Variants in GOLGA6D observed in about 807,000 individuals in gnomAD.
GOLGA6D encodes the protein golgin subfamily A member 6D.
GOLGA6D carries 9 observed loss-of-function variants against 42.1 expected under a neutral mutation model. The observed-to-expected ratio is 0.21, with a 90% CI of 0.13 to 0.37. The LOEUF (loss-of-function observed/expected upper bound fraction) is 0.37. Ranked by LOEUF, GOLGA6D falls within the 10% of genes least tolerant of loss-of-function variation. The pLI is 1.00. For missense variants in GOLGA6D, 87 were observed against 420.8 expected, an observed-to-expected ratio of 0.21 and a Z score of 6.94; for synonymous variants, 39 against 167.3, an observed-to-expected ratio of 0.23 and a Z score of 5.92.
chr15:75,277,966 TAA>T (rs2070831987), upstream of GOLGA6D, among the ~76,000 whole-genome samples: 1 of 117,318 alleles, frequency 8.5e-6, no homozygotes, highest in Non-Finnish European at 1.6e-5. Context: ...TCAGGATTAT[TAA>T]AAGTTAATTT....
chr15:75,277,801 T>TA, the GOLGA6D span, among the ~76,000 whole-genome samples: 1 of 146,880 alleles, frequency 6.8e-6, no homozygotes, highest in Non-Finnish European at 1.5e-5. Flanking sequence ...CACCCTGTCT[T>TA]AAAAAAAAAA....
chr15:75,289,312 G>A (rs1480694156), intron 7 of GOLGA6D, 85 bp from the exon 8 acceptor site: 2 of 1,270,806 alleles, frequency 1.6e-6, no homozygotes, highest in Non-Finnish European at 2.2e-6. Context: ...TACTGACCGA[G>A]TTGTATATTG....
At position 75,294,636 on chromosome 15, in the gene GOLGA6D, C is replaced by G. The variant is rs1186401894; in HGVS notation, c.*161C>G. 1.1e-6 allele frequency: 1 copy of G among 910,274 alleles called. No homozygotes were observed. The highest frequency in any genetic ancestry group is 3.2e-5 in the Admixed American group (1 of 30,954). The allele number at this position is 910,274 out of a possible 1,614,324, so 56.4% of individuals were successfully genotyped here. A position where few individuals can be genotyped will look rare whatever the true frequency, so the allele number is the denominator to read the frequency against. ...GTTCATCTCCTACACAATTCATTTACTCCATTTGAATGCTAGAGCCACTCA... is the reference window on the plus strand; with the variant it reads ...GTTCATCTCCTACACAATTCATTTAGTCCATTTGAATGCTAGAGCCACTCA... On this transcript the variant is annotated 3_prime_UTR_variant, in exon 18 of 18. Transcript: ENST00000434739.
rs573112682 is a variant in GOLGA6D at position 75,289,428 on chromosome 15, G to A, written c.596G>A (p.Arg199Gln). Residue 199 changes from arginine to glutamine, a missense_variant, in exon 8 of 18, where the codon CGG becomes CAG. Arg to Gln is a conservative substitution (Grantham distance 43). Transcript: ENST00000434739. The stretch of plus-strand genomic sequence containing the variant: ...AGCTGCAGAGAAGCGGTCCTCCAGC[G>A]GCGGTTACAGCAGACCATAAAGGAG... Reference protein sequence around the residue: ...SSSCREAVLQRRLQQTIKERA... With the variant: ...SSSCREAVLQQRLQQTIKERA... The A allele has an allele frequency of 6.0e-4, 914 of 1,529,460 alleles. 96 individuals carry two copies. The East Asian group carries it at 0.015, about 26-fold the overall frequency. 94.7% of individuals were successfully genotyped at this position (1,529,460 alleles called of 1,614,324 possible).
In GOLGA6D at chr15:75,294,311, G is replaced by A. The variant is rs746932131; in HGVS notation, c.1955-37G>A. Reference sequence around the variant, plus strand: ...GGGCAGGCAGGGGCAGGGGAGGCTCGCACTGTGCTCAGACCCCCGCCTCCC... The same window carrying A: ...GGGCAGGCAGGGGCAGGGGAGGCTCACACTGTGCTCAGACCCCCGCCTCCC... On this transcript the variant is annotated intron_variant, in intron 17 of 17. Coordinates refer to ENST00000434739, the MANE Select transcript of GOLGA6D (RefSeq NM_001145224.3). The A allele has an allele frequency of 5.1e-5, 80 of 1,555,888 alleles. 4 individuals carry two copies. The highest frequency in any genetic ancestry group is 4.8e-4 in the African/African-American group (29 of 60,112).
At chr15:75,276,302 G>A in the GOLGA6D span, among the ~76,000 whole-genome samples, 19 of 151,146 alleles carry the variant, frequency 1.3e-4, no homozygotes, top group Admixed American at 2.0e-4. Context: ...CAGCTTGGTG[G>A]CCATCTGGCT....
upstream of GOLGA6D, among the ~76,000 whole-genome samples, chr15:75,278,801 G>T (rs201383329): frequency 6.8e-4 from 102 of 150,700 alleles, 1 homozygote; most frequent in South Asian, 4.3e-3. Context: ...ATAGATGGTT[G>T]TACTTGTCCA....
chr15:75,276,135 G>A, the GOLGA6D span, among the ~76,000 whole-genome samples: 14 of 151,834 alleles, frequency 9.2e-5, no homozygotes, highest in South Asian at 2.1e-4. Flanking sequence ...AGGTGGGCTG[G>A]AGGTGTGTCT....
upstream of GOLGA6D, among the ~76,000 whole-genome samples, chr15:75,277,859 A>C (rs1416657027): frequency 2.6e-5 from 4 of 151,440 alleles, no homozygotes; most frequent in African/African-American, 9.8e-5. Context: ...TGTTTCCATA[A>C]AAAAAGAAAA....
chr15:75,278,807 G>A (rs1215314381), upstream of GOLGA6D, among the ~76,000 whole-genome samples: 1 of 151,778 alleles, frequency 6.6e-6, no homozygotes, highest in African/African-American at 2.4e-5. Flanking sequence ...GGTTGTACTT[G>A]TCCACTCAGA....
At chr15:75,284,615 G>GTTC in intron 1 of GOLGA6D, 35 bp from the exon 2 acceptor site, 1 of 225,362 alleles carries the variant, frequency 4.4e-6, no homozygotes, top group Admixed American at 1.1e-4. Flanking sequence ...AGGGCTGGTA[G>GTTC]TTCTCATGAG....
intron 7 of GOLGA6D, among the ~76,000 whole-genome samples, 155 bp downstream of exon 7, chr15:75,288,519 G>C (rs1239425701): frequency 7.1e-6 from 1 of 140,466 alleles, no homozygotes; most frequent in Non-Finnish European, 1.5e-5. Context: ...GGCAGCCTGG[G>C]GCTAAGTCAG....
rs748409326 is a variant in GOLGA6D, at chr15:75,294,505, C to A, written c.*30C>A. The A allele has an allele frequency of 4.2e-5, 64 of 1,529,118 alleles. 2 individuals carry two copies. The highest frequency in any genetic ancestry group is 1.6e-4 in the East Asian group (7 of 43,744). The allele number at this position is 1,529,118 out of a possible 1,614,324, so 94.7% of individuals were successfully genotyped here. A position where few individuals can be genotyped will look rare whatever the true frequency, so the allele number is the denominator to read the frequency against. On this transcript the variant is annotated 3_prime_UTR_variant, in exon 18 of 18. Transcript: ENST00000434739. ...ACCCAGGCTTGCCCAGCAAACCCTG[C>A]GTGCCATTCTTCTACCAGGCAGCCG...
Position 75,288,324 on chromosome 15 carries a change from C to G in GOLGA6D, c.524C>G (p.Ala175Gly), listed in dbSNP as rs1294506272. The stretch of plus-strand genomic sequence containing the variant: ...CAGCATATTCAAGAATTGGAGCGGG[C>G]TCTCTGTGCTGTGTCTACACAGCAG... ...SLQHIQELER[A>G]LCAVSTQQQE... The change falls in exon 7 of 18, where the codon GCT becomes GGT. Residue 175 changes from alanine to glycine, a missense_variant. Coordinates refer to ENST00000434739, the MANE Select transcript of GOLGA6D (RefSeq NM_001145224.3). 18 of 1,571,234 alleles carry G rather than the reference C, an allele frequency of 1.1e-5. 2 individuals are homozygous for G. The highest frequency in any genetic ancestry group is 4.8e-5 in the East Asian group (2 of 41,962).
the GOLGA6D span, among the ~76,000 whole-genome samples, chr15:75,277,752 G>A: frequency 6.7e-6 from 1 of 148,676 alleles, no homozygotes; most frequent in Non-Finnish European, 1.5e-5. Flanking sequence ...GCAGTGAGCT[G>A]AGATCCACCA....
chr15:75,278,840 G>A (rs2070837331), upstream of GOLGA6D, among the ~76,000 whole-genome samples: 1 of 151,596 alleles, frequency 6.6e-6, no homozygotes, highest in African/African-American at 2.4e-5. Flanking sequence ...CTTATTAGAT[G>A]GATGTATCAG....
Position 75,294,481 on chromosome 15 carries a change from C to T in GOLGA6D, c.*6C>T, listed in dbSNP as rs781052872. The T allele has an allele frequency of 1.1e-5, 18 of 1,567,926 alleles. 1 individual carries two copies. Among genetic ancestry groups the T allele is most frequent in the African/African-American group, 1.6e-5 (1 of 63,384 alleles). On this transcript the variant is annotated 3_prime_UTR_variant, in exon 18 of 18. Transcript: ENST00000434739. ...CTGTCATGCAGGACACCTAGGAGCA[C>T]CCAGGCTTGCCCAGCAAACCCTGCG...
chr15:75,276,130 G>C, the GOLGA6D span, among the ~76,000 whole-genome samples: 1 of 151,800 alleles, frequency 6.6e-6, no homozygotes, highest in Admixed American at 6.6e-5. Context: ...GTTTGAGGTG[G>C]GCTGGAGGTG....
chr15:75,292,554 CG>C lies in GOLGA6D; in HGVS notation c.1426-10del. On this transcript the variant is annotated splice_polypyrimidine_tract_variant and intron_variant, in intron 12 of 17. Transcript: ENST00000434739. ...CTCCGTGCCTTCTCACTCTGTTTCC[CG>C]TCCCCTTAGGAGCACCTAGAAGCTG... The C allele has an allele frequency of 4.1e-5, 1 of 24,498 alleles. No homozygotes were observed. The highest frequency in any genetic ancestry group is 3.4e-4 in the South Asian group (1 of 2,934). The allele number at this position is 24,498 out of a possible 1,614,324, so 1.5% of individuals were successfully genotyped here.
Sources: gnomAD v4.1 joint callset for allele counts (sites outside exome capture counted in the v4.1 genomes callset) on GRCh38, gnomAD v4.1.1 for gene constraint, MANE v1.5 for transcripts, NCBI Gene and HGNC (gene_info 2026-07-23, HGNC 2026-07-21) for gene names.